The following PLXDC1 variants were observed in gnomAD, a reference collection of about 807,000 sequenced individuals.
PLXDC1 encodes the protein plexin domain-containing protein 1.
PLXDC1 carries 39 observed loss-of-function variants against 61.3 expected under a neutral mutation model. The observed-to-expected ratio is 0.64, with a 90% CI of 0.49 to 0.83. The LOEUF (loss-of-function observed/expected upper bound fraction) is 0.83. PLXDC1 is among the 40% of genes least tolerant of loss of function. PLXDC1 has a pLI of 0.00. For synonymous variants in PLXDC1, 212 were observed against 254.5 expected, an observed-to-expected ratio of 0.83 and a Z score of 1.59; for missense variants, 596 against 666.5, an observed-to-expected ratio of 0.89 and a Z score of 1.17.
At chr17:39,128,087 C>CATA (rs1911372368) in intron 2 of PLXDC1, among the ~76,000 whole-genome samples, 1 of 67,234 alleles carries the variant, frequency 1.5e-5, no homozygotes, top group African/African-American at 5.4e-5. Context: ...CTCTCTCTCT[C>CATA]TCTCTATGTG....
intron 9 of PLXDC1, chr17:39,079,905 A>G: frequency 3.9e-6 from 1 of 253,868 alleles, no homozygotes; most frequent in Non-Finnish European, 7.8e-6. Flanking sequence ...GGTTAACTGC[A>G]CCAGCACCCA....
chr17:39,097,055 G>A (rs1230405551), intron 7 of PLXDC1: 1 of 468,354 alleles, frequency 2.1e-6, no homozygotes, highest in Non-Finnish European at 4.4e-6. Flanking sequence ...CCAGGAGTGA[G>A]GCTGTGAGGA....
intron 2 of PLXDC1, among the ~76,000 whole-genome samples, chr17:39,110,808 C>T (rs16229): frequency 0.29 from 44,532 of 152,182 alleles, 6,862 homozygotes; most frequent in African/African-American, 0.38. Flanking sequence ...TTACGATAAG[C>T]GACACAATCT....
chr17:39,084,603 A>G (rs938840406), intron 8 of PLXDC1, among the ~76,000 whole-genome samples: 1 of 152,262 alleles, frequency 6.6e-6, no homozygotes, highest in Admixed American at 6.5e-5. Flanking sequence ...CCATGTGCAG[A>G]GCCGAGAGGG....
At position 39,067,629 on chromosome 17, in the gene PLXDC1, G is replaced by T. The variant is rs1908944662; in HGVS notation, c.*211C>A. 2 of 516,470 alleles carry T rather than the reference G, an allele frequency of 3.9e-6. No homozygotes were observed. The highest frequency in any genetic ancestry group is 6.9e-6 in the Non-Finnish European group (2 of 289,172). 32.0% of individuals were successfully genotyped at this position (516,470 alleles called of 1,614,324 possible). On this transcript the variant is annotated 3_prime_UTR_variant, in exon 14 of 14. Coordinates refer to ENST00000315392, the MANE Select transcript of PLXDC1 (RefSeq NM_020405.5). ...CAAAACAGGATGAGATTAGGTTGTT[G>T]TTCCTATAAAAAATCCATGTGGTTG...
At chr17:39,138,418 G>A (rs184689586) in intron 2 of PLXDC1, among the ~76,000 whole-genome samples, 25 of 152,306 alleles carry the variant, frequency 1.6e-4, no homozygotes, top group African/African-American at 2.2e-4. Context: ...GTACATGATC[G>A]TCACAATCCA....
chr17:39,149,096 G>A (rs1205554231), intron 1 of PLXDC1, among the ~76,000 whole-genome samples: 1 of 152,046 alleles, frequency 6.6e-6, no homozygotes, highest in Non-Finnish European at 1.5e-5. Context: ...TGTCATCCTG[G>A]TCTCCCCTGC....
intron 5 of PLXDC1, 123 bp from the exon 6 acceptor site, chr17:39,107,648 CA>C (rs748966941): frequency 2.6e-6 from 2 of 765,770 alleles, no homozygotes; most frequent in Non-Finnish European, 4.7e-6. Flanking sequence ...GGGAAGTTTG[CA>C]AAGGTAAGGA....
intron 1 of PLXDC1, among the ~76,000 whole-genome samples, chr17:39,141,327 G>A (rs899624476): frequency 1.2e-4 from 18 of 152,148 alleles, no homozygotes; most frequent in African/African-American, 3.9e-4. Flanking sequence ...GCCACAGCGC[G>A]CAGCCTGTAT....
intron 1 of PLXDC1, among the ~76,000 whole-genome samples, chr17:39,149,206 C>G (rs1006381960): frequency 6.6e-6 from 1 of 152,104 alleles, no homozygotes; most frequent in Non-Finnish European, 1.5e-5. Context: ...CCATCAGGAG[C>G]GAGGGGAGAT....
intron 8 of PLXDC1, among the ~76,000 whole-genome samples, chr17:39,083,925 C>G (rs1756078964): frequency 6.6e-6 from 1 of 152,154 alleles, no homozygotes; most frequent in East Asian, 1.9e-4. Context: ...CCCTCCCTAG[C>G]TTCCTTCCTT....
At chr17:39,145,662 C>A (rs950472743) in intron 1 of PLXDC1, among the ~76,000 whole-genome samples, 3 of 152,102 alleles carry the variant, frequency 2.0e-5, no homozygotes, top group Middle Eastern at 3.2e-3. Flanking sequence ...GAAGGGAGAG[C>A]ATCTTTAAAT....
At position 39,065,272 on chromosome 17, in the gene PLXDC1, G is replaced by GC. The variant is rs1180233736; in HGVS notation, c.*2567dup. 6.6e-6 allele frequency: 1 copy of GC among 152,042 alleles called. No individual in the cohort carries two copies. Among genetic ancestry groups the GC allele is most frequent in the African/African-American group, 2.4e-5 (1 of 41,360 alleles). The allele number at this position is 152,042 out of a possible 1,614,324, so 9.4% of individuals were successfully genotyped here. On this transcript the variant is annotated 3_prime_UTR_variant, in exon 14 of 14. Transcript: ENST00000315392. ...TACTAGAGATGTGTCACCAAGAGAG[G>GC]CCTATGGATTTCTTAAGCCAAAACA...
chr17:39,079,260 G>A (rs1031332474), intron 9 of PLXDC1, 96 bp from the exon 10 acceptor site: 52 of 1,054,792 alleles, frequency 4.9e-5, no homozygotes, highest in Non-Finnish European at 7.6e-5. Context: ...ATAGTGAGAA[G>A]AGGAGCCAAG....
At chr17:39,152,677 C>T, upstream of PLXDC1, 1 of 1,233,572 alleles carries the variant, frequency 8.1e-7, no homozygotes, top group Non-Finnish European at 1.0e-6. Flanking sequence ...ACGCTGAGCG[C>T]CATTGGAGAA....
Position 39,078,012 on chromosome 17 carries a change from C to T in PLXDC1, c.1087G>A (p.Asp363Asn). The change falls in exon 11 of 14, where the codon GAC becomes AAC. Residue 363 changes from aspartate (D) to asparagine (N), a missense_variant. By Grantham distance (23) the Asp-to-Asn change is conservative. Coordinates refer to ENST00000315392, the MANE Select transcript of PLXDC1 (RefSeq NM_020405.5). ...GRMCEDFQDE[D>N]HDSASPDTSF... is the part of the protein sequence containing the mutation. ...GTGTCAGGGGAGGCTGAGTCGTGGT[C>T]CTCATCCTGGAAGTCCTCGCACATC... The T allele has an allele frequency of 2.5e-6, 4 of 1,612,420 alleles. No individual in the cohort carries two copies. Among genetic ancestry groups the T allele is most frequent in the Non-Finnish European group, 2.5e-6 (3 of 1,179,074 alleles).
chr17:39,093,825 C>A (rs542907114), intron 7 of PLXDC1, among the ~76,000 whole-genome samples: 2 of 152,206 alleles, frequency 1.3e-5, no homozygotes, highest in East Asian at 3.9e-4. Context: ...CCGTGGCAAG[C>A]CTCGTAAATA....
chr17:39,126,106 T>C (rs1182246319), intron 2 of PLXDC1, among the ~76,000 whole-genome samples: 1 of 152,048 alleles, frequency 6.6e-6, no homozygotes, highest in Non-Finnish European at 1.5e-5. Context: ...CTATAAAAAT[T>C]AGCCGGATGT....
upstream of PLXDC1, among the ~76,000 whole-genome samples, chr17:39,151,978 G>C (rs2045376786): frequency 6.6e-6 from 1 of 152,094 alleles, no homozygotes; most frequent in African/African-American, 2.4e-5. The surrounding 1 kb of genome is among the most constrained non-coding windows in gnomAD (Gnocchi z 5.2). Context: ...CCATCCCTGG[G>C]TCACGGGCCC....
Sources: gnomAD v4.1 joint callset for allele counts (sites outside exome capture counted in the v4.1 genomes callset) on GRCh38, gnomAD v4.1.1 for gene constraint, Gnocchi (gnomAD v3.1) non-coding constraint, MANE v1.5 for transcripts, NCBI Gene and HGNC (gene_info 2026-07-23, HGNC 2026-07-21) for gene names.